SPIDR: variants seen among roughly 807,000 people sequenced by gnomAD.
SPIDR encodes DNA repair-scaffolding protein.
In SPIDR, 93 loss-of-function variants were observed where a neutral mutation model predicts 104.6. That is an observed-to-expected ratio of 0.89 (90% CI 0.75 to 1.06). SPIDR has a LOEUF of 1.06. Among genes scored for constraint, SPIDR ranks in the 50% least tolerant of loss-of-function variants. SPIDR has a pLI of 0.00. For synonymous variants in SPIDR, 431 were observed against 416.9 expected (o/e 1.03, Z -0.41); for missense variants, 1,154 against 1,111.2 (o/e 1.04, Z -0.55).
chr8:47,556,902 C>T (rs1389920468), intron 8 of SPIDR, among the ~76,000 whole-genome samples: 1 of 152,152 alleles, frequency 6.6e-6, no homozygotes, highest in Non-Finnish European at 1.5e-5. Context: ...CCGCGCCCAG[C>T]CAGCATAGTA....
chr8:47,691,875 C>T (rs1478184337), intron 11 of SPIDR, among the ~76,000 whole-genome samples: 1 of 152,186 alleles, frequency 6.6e-6, no homozygotes, highest in Non-Finnish European at 1.5e-5. Flanking sequence ...AGTGCTGAAG[C>T]CACTGGGCTC....
At chr8:47,686,718 A>G (rs1310086250) in intron 11 of SPIDR, among the ~76,000 whole-genome samples, 1 of 152,218 alleles carries the variant, frequency 6.6e-6, no homozygotes, top group Non-Finnish European at 1.5e-5. Flanking sequence ...ATTCATTTCT[A>G]TAAATTTCTC....
Position 47,735,715 on chromosome 8 carries a change from C to T in SPIDR, c.*265C>T. On this transcript the variant is annotated 3_prime_UTR_variant, in exon 20 of 20. Transcript: ENST00000297423. ...TCACATTGAATCTTAAGTTTAAGCTCTTCATTTGGTATTTAGGCAATATAT... is the reference window on the plus strand; with the variant it reads ...TCACATTGAATCTTAAGTTTAAGCTTTTCATTTGGTATTTAGGCAATATAT... 1.3e-6 allele frequency: 1 copy of T among 782,398 alleles called. No homozygotes were observed. The highest frequency in any genetic ancestry group is 1.9e-6 in the Non-Finnish European group (1 of 518,046). 48.5% of individuals were successfully genotyped at this position (782,398 alleles called of 1,614,324 possible). A position where few individuals can be genotyped will look rare whatever the true frequency, so the allele number is the denominator to read the frequency against.
chr8:47,644,413 G>A (rs562892556), intron 10 of SPIDR, among the ~76,000 whole-genome samples: 9 of 152,262 alleles, frequency 5.9e-5, no homozygotes, highest in African/African-American at 1.7e-4. Flanking sequence ...TGACGTAATC[G>A]TGTTACCTTC....
chr8:47,346,865 C>G (rs868924027), intron 5 of SPIDR, among the ~76,000 whole-genome samples: 2 of 151,280 alleles, frequency 1.3e-5, no homozygotes, highest in African/African-American at 4.8e-5. Flanking sequence ...TTCTTAGTCT[C>G]TCTAGTGGTC....
intron 5 of SPIDR, among the ~76,000 whole-genome samples, chr8:47,295,171 TTTC>T (rs1267563280): frequency 2.0e-5 from 3 of 152,206 alleles, no homozygotes; most frequent in Non-Finnish European, 4.4e-5. Flanking sequence ...GTCCATGTCT[TTTC>T]TTAACATGAC....
intron 5 of SPIDR, among the ~76,000 whole-genome samples, chr8:47,328,930 A>G (rs1215254662): frequency 6.6e-6 from 1 of 151,624 alleles, no homozygotes; most frequent in Non-Finnish European, 1.5e-5. Flanking sequence ...TTTTGGAAAC[A>G]GCATCTTGCT....
At chr8:47,696,637 G>A (rs1032426947) in intron 11 of SPIDR, among the ~76,000 whole-genome samples, 4 of 152,184 alleles carry the variant, frequency 2.6e-5, no homozygotes, top group African/African-American at 9.7e-5. Context: ...TATCACAGAT[G>A]GCTGGTTGTT....
At chr8:47,290,686 T>A (rs1439577270) in intron 3 of SPIDR, among the ~76,000 whole-genome samples, 1 of 152,252 alleles carries the variant, frequency 6.6e-6, no homozygotes, top group African/African-American at 2.4e-5. Context: ...TTTTGCATTT[T>A]AAAAAATTTT....
intron 8 of SPIDR, among the ~76,000 whole-genome samples, chr8:47,563,812 A>G (rs146992602): frequency 1.1e-4 from 16 of 152,296 alleles, no homozygotes; most frequent in African/African-American, 3.8e-4. Context: ...GTTATAGGAC[A>G]TCTGTGTGGG....
Position 47,698,899 on chromosome 8 carries a change from C to T in SPIDR, c.1686-1504C>T, listed in dbSNP as rs78404245. Among the ~76,000 whole-genome samples the T allele has an allele frequency of 8.7e-3, 1,322 of 152,260 alleles. 10 individuals are homozygous for T. Among genetic ancestry groups the T allele is most frequent in the South Asian group, 0.021 (101 of 4,826 alleles). ...AGATGTGCCACACAGCAACAATGGC[C>T]GAACAGGGAGTTCTGTTCTCATGGG... is the stretch of plus-strand genomic sequence containing the variant. On this transcript the variant is annotated intron_variant, in intron 11 of 19. Coordinates refer to ENST00000297423, the MANE Select transcript of SPIDR (RefSeq NM_001080394.4).
intron 11 of SPIDR, among the ~76,000 whole-genome samples, chr8:47,680,646 C>G (rs2076979996): frequency 1.3e-5 from 2 of 152,224 alleles, no homozygotes; most frequent in Admixed American, 1.3e-4. Flanking sequence ...TTTTAAAAAG[C>G]CACACACTTC....
chr8:47,505,187 A>T (rs2154373331), intron 8 of SPIDR, among the ~76,000 whole-genome samples: 1 of 152,278 alleles, frequency 6.6e-6, no homozygotes, highest in Non-Finnish European at 1.5e-5. Flanking sequence ...CAGTCTGCAA[A>T]GGATTCTGCT....
intron 10 of SPIDR, among the ~76,000 whole-genome samples, chr8:47,662,470 C>T (rs1238319215): frequency 6.6e-6 from 1 of 152,140 alleles, no homozygotes; most frequent in Non-Finnish European, 1.5e-5. Context: ...CTACTTTGCA[C>T]CTTCACTCCT....
intron 10 of SPIDR, among the ~76,000 whole-genome samples, chr8:47,618,215 A>G (rs1026526744): frequency 3.9e-5 from 6 of 152,012 alleles, no homozygotes; most frequent in Non-Finnish European, 5.9e-5. Context: ...ATATAATCTC[A>G]TTCCTTTATC....
In SPIDR at chr8:47,407,899, G is replaced by T. The variant is rs182613962; in HGVS notation, c.815G>T (p.Arg272Leu). ...GAAAGACTAAATGGACTGCAGAATC[G>T]AGAGAGATCTGCTATTTCTTTGTGG... is the stretch of plus-strand genomic sequence containing the variant. ...LAERLNGLQN[R>L]ERSAISLWRH... The change falls in exon 7 of 20, where the codon CGA becomes CTA. Residue 272 changes from arginine to leucine, a missense_variant. Arg to Leu is a moderately radical substitution (Grantham distance 102). Coordinates refer to ENST00000297423, the MANE Select transcript of SPIDR (RefSeq NM_001080394.4). The T allele has an allele frequency of 6.2e-7, 1 of 1,605,702 alleles. No individual in the cohort carries two copies. Among genetic ancestry groups the T allele is most frequent in the Non-Finnish European group, 8.5e-7 (1 of 1,174,478 alleles).
chr8:47,265,405 G>T (rs1376005697), intron 1 of SPIDR, among the ~76,000 whole-genome samples: 1 of 151,396 alleles, frequency 6.6e-6, no homozygotes, highest in Non-Finnish European at 1.5e-5. Context: ...TGCCGAGGCT[G>T]GTCTCGAATT....
At chr8:47,475,407 T>C (rs1427420245) in intron 8 of SPIDR, among the ~76,000 whole-genome samples, 3 of 152,228 alleles carry the variant, frequency 2.0e-5, no homozygotes, top group Admixed American at 6.5e-5. Flanking sequence ...TTCCTACCTG[T>C]CATGTAAAGA....
intron 5 of SPIDR, among the ~76,000 whole-genome samples, chr8:47,305,796 AAT>A (rs2043001672): frequency 6.6e-6 from 1 of 152,170 alleles, no homozygotes; most frequent in South Asian, 2.1e-4. Context: ...CTTTTTTCCC[AAT>A]GTTTTACATT....
Sources: gnomAD v4.1 joint callset for allele counts (sites outside exome capture counted in the v4.1 genomes callset) on GRCh38, gnomAD v4.1.1 for gene constraint, MANE v1.5 for transcripts, NCBI Gene and HGNC (gene_info 2026-07-23, HGNC 2026-07-21) for gene names.